The following EXOC6 variants were observed in gnomAD, a reference collection of about 807,000 sequenced individuals.
The protein encoded by EXOC6 is SEC15-like 1.
Under a neutral mutation model 112.5 loss-of-function variants are expected in EXOC6, and 60 were observed. The ratio of observed to expected loss-of-function variants is 0.53; its 90% CI spans 0.43 to 0.66. The LOEUF is 0.66. EXOC6 is among the 30% of genes least tolerant of loss of function. EXOC6 has a pLI of 0.00. For synonymous variants in EXOC6, 295 were observed against 308.0 expected (o/e 0.96, Z 0.44); for missense variants, 855 against 957.1 (o/e 0.89, Z 1.41).
At chr10:92,883,670 C>T (rs1849070861) in intron 1 of EXOC6, among the ~76,000 whole-genome samples, 1 of 151,986 alleles carries the variant, frequency 6.6e-6, no homozygotes, top group African/African-American at 2.4e-5. Context: ...GTAAAAATGC[C>T]TATACTGGAA....
At chr10:92,926,813 G>A (rs115568549) in intron 8 of EXOC6, among the ~76,000 whole-genome samples, 1,753 of 152,288 alleles carry the variant, frequency 0.012, 38 homozygotes, top group African/African-American at 0.04. Context: ...GGATTAAAGC[G>A]TGAGCTACTG....
In EXOC6 at chr10:92,857,479, A is replaced by G. The variant is rs561889082; in HGVS notation, c.101+8845A>G. 5.3e-5 allele frequency among the ~76,000 whole-genome samples: 8 copies of G among 152,146 alleles called. No individual in the cohort carries two copies. The East Asian group carries it at 1.4e-3, about 26-fold the overall frequency. ...AGAACAGAGACCAATATGTATTTTT[A>G]AAGTTTGTTATATTAAGTTTCTTAT... On this transcript the variant is annotated intron_variant, in intron 1 of 21. Transcript: ENST00000260762.
At chr10:92,977,482 C>G (rs1456254576) in intron 18 of EXOC6, among the ~76,000 whole-genome samples, 2 of 152,022 alleles carry the variant, frequency 1.3e-5, no homozygotes, top group Non-Finnish European at 2.9e-5. Flanking sequence ...ACTGTATTCC[C>G]AACTGCTGTC....
At chr10:92,848,897 C>T (rs1011969588) in intron 1 of EXOC6, among the ~76,000 whole-genome samples, 1 of 152,086 alleles carries the variant, frequency 6.6e-6, no homozygotes, top group East Asian at 1.9e-4. Context: ...GCTGCAGGGT[C>T]TCTAACCCCG....
intron 1 of EXOC6, among the ~76,000 whole-genome samples, chr10:92,886,980 A>G (rs1384480256): frequency 2.6e-5 from 4 of 152,218 alleles, no homozygotes; most frequent in African/African-American, 4.8e-5. Flanking sequence ...CATTACCATC[A>G]TTAAGCCAGA....
At chr10:93,001,994 T>C (rs576773782) in intron 19 of EXOC6, among the ~76,000 whole-genome samples, 33 of 152,346 alleles carry the variant, frequency 2.2e-4, no homozygotes, top group African/African-American at 7.5e-4. Context: ...AGAACAAGTA[T>C]AATTATGTAG....
chr10:92,919,846 T>C (rs1029322319), intron 7 of EXOC6, 136 bp from the exon 8 acceptor site: 1 of 539,912 alleles, frequency 1.9e-6, no homozygotes, highest in African/African-American at 1.9e-5. Flanking sequence ...TTATAGTGTA[T>C]GCTTTCTATG....
chr10:93,056,995 C>T lies in EXOC6; in HGVS notation c.2241C>T (p.Tyr747=), dbSNP rs774272800. The change falls in exon 21 of 22, where the codon TAC becomes TAT. Residue 747 remains tyrosine, a synonymous_variant. Transcript: ENST00000260762. The stretch of plus-strand genomic sequence containing the variant: ...ATTATGGGCAGCCAGCTTCTAAGTA[C>T]CTTCGGGTGAATCCAAACACAGCCC... ...LADYGQPASK[Y]LRVNPNTALT... 6.3e-7 allele frequency: 1 copy of T among 1,595,364 alleles called. No homozygotes were observed. The highest frequency in any genetic ancestry group is 8.5e-7 in the Non-Finnish European group (1 of 1,173,802).
At chr10:92,885,886 A>G (rs1198803909) in intron 1 of EXOC6, among the ~76,000 whole-genome samples, 1 of 151,964 alleles carries the variant, frequency 6.6e-6, no homozygotes, top group East Asian at 1.9e-4. Context: ...GTCATTATCT[A>G]TATATAGAGC....
chr10:92,891,419 T>C (rs1479861488), intron 1 of EXOC6, among the ~76,000 whole-genome samples: 1 of 152,162 alleles, frequency 6.6e-6, no homozygotes, highest in Non-Finnish European at 1.5e-5. Context: ...TTTAAAAAAT[T>C]AAAAAAATTA....
At chr10:92,948,583 A>ACTACTG (rs1299907222) in intron 14 of EXOC6, among the ~76,000 whole-genome samples, 1 of 148,234 alleles carries the variant, frequency 6.7e-6, no homozygotes, top group Non-Finnish European at 1.5e-5. Context: ...CACTACTACT[A>ACTACTG]CTACTACTAC....
chr10:92,832,754 C>T (rs1846529491), upstream of EXOC6, among the ~76,000 whole-genome samples: 2 of 151,670 alleles, frequency 1.3e-5, no homozygotes, highest in African/African-American at 2.4e-5. Flanking sequence ...CCTCTACCTC[C>T]CGGGCTCAAG....
chr10:92,850,828 G>A (rs1053019787), intron 1 of EXOC6, among the ~76,000 whole-genome samples: 15 of 151,912 alleles, frequency 9.9e-5, no homozygotes, highest in African/African-American at 3.6e-4. Context: ...TATTTATATT[G>A]TTTTTTCTCA....
chr10:93,002,162 A>T (rs989459487), intron 19 of EXOC6, among the ~76,000 whole-genome samples: 1 of 152,002 alleles, frequency 6.6e-6, no homozygotes, highest in East Asian at 1.9e-4. Context: ...GTGATTGCTA[A>T]GCTCTATTTT....
Position 93,001,824 on chromosome 10 carries a change from C to T in EXOC6, c.2095+4209C>T, listed in dbSNP as rs1843770365. Among the ~76,000 whole-genome samples the T allele has an allele frequency of 2.0e-5, 3 of 152,188 alleles. No homozygotes were observed. The South Asian group carries it at 6.2e-4, about 32-fold the overall frequency. ...TTACATGAAAACAGCTCTTACATGT[C>T]TCTAAATCTTCTGAAGGCCAGACAT... On this transcript the variant is annotated intron_variant, in intron 19 of 21. Coordinates refer to ENST00000260762, the MANE Select transcript of EXOC6 (RefSeq NM_019053.6).
chr10:92,944,959 A>G (rs1381528152), intron 13 of EXOC6, among the ~76,000 whole-genome samples: 3 of 151,730 alleles, frequency 2.0e-5, no homozygotes, highest in African/African-American at 7.3e-5. Context: ...TTTAGTAGAG[A>G]TGGGGTTTCT....
chr10:92,905,209 T>C (rs1188269598), intron 5 of EXOC6, among the ~76,000 whole-genome samples: 1 of 152,074 alleles, frequency 6.6e-6, no homozygotes, highest in East Asian at 1.9e-4. Context: ...AGTTGGGTAG[T>C]GTCAGTCTAT....
At chr10:93,043,893 G>A (rs557827133) in intron 20 of EXOC6, among the ~76,000 whole-genome samples, 23 of 152,282 alleles carry the variant, frequency 1.5e-4, no homozygotes, top group Non-Finnish European at 2.9e-4. Context: ...TTTACCAGTA[G>A]CTGCTTCTTA....
chr10:92,927,627 T>C (rs1269285993), intron 8 of EXOC6, among the ~76,000 whole-genome samples: 3 of 152,180 alleles, frequency 2.0e-5, no homozygotes, highest in Non-Finnish European at 4.4e-5. Flanking sequence ...AGCACAGACA[T>C]AGTAAACGTT....
Sources: allele counts gnomAD v4.1 joint callset (sites outside exome capture counted in the v4.1 genomes callset), GRCh38; gene constraint gnomAD v4.1.1; transcripts MANE v1.5; gene names NCBI Gene and HGNC (gene_info 2026-07-23, HGNC 2026-07-21).